The following CCDC150 variants were observed in gnomAD, a reference collection of about 807,000 sequenced individuals.
CCDC150 encodes the protein coiled-coil domain-containing protein 150.
CCDC150 carries 151 observed loss-of-function variants against 156.5 expected under a neutral mutation model. That is an observed-to-expected ratio of 0.97 (90% CI 0.85 to 1.10). CCDC150 has a LOEUF of 1.10. Among genes scored for constraint, CCDC150 ranks in the 50% least tolerant of loss-of-function variants. CCDC150 has a pLI of 0.00. For synonymous variants in CCDC150, 452 were observed against 429.4 expected (o/e 1.05, Z -0.65); for missense variants, 1,312 against 1,268.1 (o/e 1.03, Z -0.53).
At chr2:196,698,838 C>G (rs991447917) in intron 14 of CCDC150, among the ~76,000 whole-genome samples, 5 of 152,220 alleles carry the variant, frequency 3.3e-5, no homozygotes, top group Admixed American at 2.0e-4. Context: ...TATCCCTCCC[C>G]CCTCTCCCCA....
chr2:196,718,459 C>A (rs1224687183), intron 17 of CCDC150, 44 bp from the exon 18 acceptor site: 3 of 1,471,908 alleles, frequency 2.0e-6, no homozygotes, highest in Admixed American at 4.1e-5. Flanking sequence ...TTATTCTAAT[C>A]ACTGATTTGT....
chr2:196,678,776 C>T (rs1222183917), intron 13 of CCDC150, among the ~76,000 whole-genome samples: 1 of 152,050 alleles, frequency 6.6e-6, no homozygotes, highest in Non-Finnish European at 1.5e-5. Context: ...TGCGGTGGCG[C>T]ACACCTGTAA....
At chr2:196,693,010 C>T (rs1487063542) in intron 13 of CCDC150, among the ~76,000 whole-genome samples, 1 of 152,174 alleles carries the variant, frequency 6.6e-6, no homozygotes, top group East Asian at 1.9e-4. Context: ...GTGTTGGATG[C>T]ATATATATTT....
At chr2:196,669,933 A>G (rs1032889914) in intron 8 of CCDC150, 57 bp downstream of exon 8, 36 of 1,288,686 alleles carry the variant, frequency 2.8e-5, no homozygotes, top group Non-Finnish European at 3.5e-5. Context: ...ACTAAGTCCT[A>G]TTTCCTCTTC....
intron 20 of CCDC150, among the ~76,000 whole-genome samples, 154 bp from the exon 21 acceptor site, chr2:196,721,368 A>ATATATATATATATATATATATATATG (rs1697896992): frequency 4.3e-5 from 1 of 23,196 alleles, no homozygotes; most frequent in East Asian, 5.6e-3. Flanking sequence ...ATATATATAT[A>ATATATATATATATATATATATATATG]TTTTCCAGGC....
chr2:196,664,346 G>A (rs1693720872), intron 5 of CCDC150, among the ~76,000 whole-genome samples: 1 of 152,204 alleles, frequency 6.6e-6, no homozygotes, highest in Admixed American at 6.5e-5. Flanking sequence ...ATGTTCCCAT[G>A]ATGCCCCTCT....
At chr2:196,698,653 T>C (rs1337391659) in intron 14 of CCDC150, among the ~76,000 whole-genome samples, 1 of 152,224 alleles carries the variant, frequency 6.6e-6, no homozygotes, top group East Asian at 1.9e-4. Flanking sequence ...CACTGAGACA[T>C]CTTAATTTGT....
intron 15 of CCDC150, among the ~76,000 whole-genome samples, chr2:196,706,805 G>T (rs568336744): frequency 8.5e-5 from 13 of 152,270 alleles, no homozygotes; most frequent in African/African-American, 3.1e-4. Context: ...TTATGTGATG[G>T]ATTATGTTTA....
intron 13 of CCDC150, among the ~76,000 whole-genome samples, chr2:196,686,699 G>C (rs1413841720): frequency 1.3e-5 from 2 of 151,728 alleles, no homozygotes; most frequent in African/African-American, 4.8e-5. Flanking sequence ...TGTGTTACGG[G>C]GATTTGTTAT....
intron 26 of CCDC150, among the ~76,000 whole-genome samples, chr2:196,731,468 G>T (rs1323853863): frequency 1.3e-5 from 2 of 148,702 alleles, no homozygotes; most frequent in African/African-American, 5.0e-5. Flanking sequence ...TTGGCTCACT[G>T]CAATCTCCGC....
At chr2:196,646,952 G>A (rs1692579984) in intron 2 of CCDC150, among the ~76,000 whole-genome samples, 1 of 151,976 alleles carries the variant, frequency 6.6e-6, no homozygotes, top group South Asian at 2.1e-4. Flanking sequence ...AATTTAGAAT[G>A]AGATACTAAA....
chr2:196,704,945 C>CT (rs1367755020), intron 15 of CCDC150, among the ~76,000 whole-genome samples: 1 of 152,174 alleles, frequency 6.6e-6, no homozygotes, highest in Non-Finnish European at 1.5e-5. Flanking sequence ...TTAATCCAGT[C>CT]TATCATCTAT....
intron 1 of CCDC150, among the ~76,000 whole-genome samples, chr2:196,642,378 G>A (rs1470577821): frequency 1.3e-5 from 2 of 152,202 alleles, no homozygotes; most frequent in Admixed American, 1.3e-4. Context: ...GTATGTAGGG[G>A]TGTGGGTGGC....
intron 12 of CCDC150, chr2:196,676,972 G>A (rs996788668): frequency 3.1e-6 from 2 of 645,976 alleles, no homozygotes; most frequent in Non-Finnish European, 5.7e-6. Flanking sequence ...CACACATCCT[G>A]GTGTTAGTTA....
chr2:196,728,187 TA>T (rs1698322281), intron 22 of CCDC150, among the ~76,000 whole-genome samples: 1 of 152,126 alleles, frequency 6.6e-6, no homozygotes, highest in East Asian at 1.9e-4. Context: ...AAAGCATTTG[TA>T]AAGTAATTAT....
At chr2:196,671,206 CTT>C in intron 8 of CCDC150, among the ~76,000 whole-genome samples, 1 of 152,210 alleles carries the variant, frequency 6.6e-6, no homozygotes, top group South Asian at 2.1e-4. Context: ...CTCTAAAAAT[CTT>C]CTGTGCTTTG....
chr2:196,719,803 C>A, intron 19 of CCDC150, 137 bp downstream of exon 19: 1 of 540,204 alleles, frequency 1.9e-6, no homozygotes, highest in Non-Finnish European at 3.0e-6. Flanking sequence ...TGAAAGAATT[C>A]CTAAGTTAGA....
rs149015688 is a variant in CCDC150 at position 196,676,590 on chromosome 2, G to T, written c.1299G>T (p.Gln433His). 663 of 1,613,640 alleles carry T rather than the reference G, an allele frequency of 4.1e-4. 4 individuals carry two copies. In the African/African-American group the frequency reaches 8.0e-3, roughly 19 times the overall value. ...TCCTTGAGCATAACCAGTGTATCCA[G>T]AAAGCACAGGATGCTGAAAAGAGAA... ...HLILEHNQCI[Q>H]KAQDAEKRTA... is the part of the protein sequence containing the mutation. The change falls in exon 12 of 28, where the codon CAG becomes CAT. Residue 433 changes from glutamine to histidine, a missense_variant. By Grantham distance (24) the Gln-to-His change is conservative (BLOSUM62 0). Coordinates refer to ENST00000389175, the MANE Select transcript of CCDC150 (RefSeq NM_001080539.2).
intron 21 of CCDC150, 46 bp from the exon 22 acceptor site, chr2:196,725,927 A>G (rs1698181271): frequency 6.5e-7 from 1 of 1,539,120 alleles, no homozygotes; most frequent in Non-Finnish European, 8.8e-7. Context: ...CTTACCTCCT[A>G]AAATGATTTC....
Sources: gnomAD v4.1 joint callset for allele counts (sites outside exome capture counted in the v4.1 genomes callset) on GRCh38, gnomAD v4.1.1 for gene constraint, MANE v1.5 for transcripts, NCBI Gene and HGNC (gene_info 2026-07-23, HGNC 2026-07-21) for gene names.